The following PEX5 variants were observed in gnomAD, a reference collection of about 807,000 sequenced individuals.
PEX5 encodes the protein PTS1 receptor.
Under a neutral mutation model 82.9 loss-of-function variants are expected in PEX5, and 52 were observed. The ratio of observed to expected loss-of-function variants is 0.63; its 90% CI spans 0.50 to 0.79. The LOEUF is 0.79. Among genes scored for constraint, PEX5 ranks in the 30% least tolerant of loss-of-function variants. The pLI is 0.00. For missense variants in PEX5, 719 were observed against 815.2 expected, an observed-to-expected ratio of 0.88 and a Z score of 1.44; for synonymous variants, 300 against 318.8, an observed-to-expected ratio of 0.94 and a Z score of 0.63.
intron 7 of PEX5, 88 bp from the exon 8 acceptor site, chr12:7,202,153 G>A (rs555016638): frequency 1.4e-5 from 23 of 1,601,338 alleles, no homozygotes; most frequent in Non-Finnish European, 1.9e-5. Context: ...TCAGGGGAGG[G>A]GTGAGTACAG....
chr12:7,206,802 T>G (rs4883096), intron 10 of PEX5, among the ~76,000 whole-genome samples: 111,695 of 151,996 alleles, frequency 0.73, 41,802 homozygotes, highest in South Asian at 0.83. Context: ...CCTCCACCTG[T>G]TGTTTTGCAT....
intron 5 of PEX5, among the ~76,000 whole-genome samples, chr12:7,197,579 A>G (rs1174105338): frequency 7.1e-6 from 1 of 140,146 alleles, no homozygotes; most frequent in Non-Finnish European, 1.5e-5. Flanking sequence ...GTAATTACTT[A>G]TTATTTATAA....
chr12:7,207,681 A>G lies in PEX5; in HGVS notation c.989A>G (p.Asn330Ser). ...YDKGYQFEEE[N>S]PLRDHPQPFE... ...TAGGGGTACCAGTTTGAGGAGGAGA[A>G]CCCCTTGCGTGATCACCCTCAGCCT... Residue 330 changes from asparagine to serine, a missense_variant, in exon 11 of 16, where the codon AAC becomes AGC. Coordinates refer to ENST00000675855, the MANE Select transcript of PEX5 (RefSeq NM_001351132.2). 2 of 1,613,902 alleles carry G rather than the reference A, an allele frequency of 1.2e-6. No individual in the cohort carries two copies. Among genetic ancestry groups the G allele is most frequent in the Non-Finnish European group, 1.7e-6 (2 of 1,179,996 alleles).
In PEX5 at chr12:7,208,002, C is replaced by T. The variant is rs776506057; in HGVS notation, c.1111-8C>T. 3 of 1,611,784 alleles carry T rather than the reference C, an allele frequency of 1.9e-6. No homozygotes were observed. Among genetic ancestry groups the T allele is most frequent in the Admixed American group, 3.3e-5 (2 of 60,008 alleles). ...ATGGGGTGATGGAATCTGTCAACTT[C>T]CCTCTAGGCTTGGCAGTATCTGGGT... is the stretch of plus-strand genomic sequence containing the variant. On this transcript the variant is annotated splice_region_variant and splice_polypyrimidine_tract_variant and intron_variant, in intron 11 of 15. Transcript: ENST00000675855.
chr12:7,189,520 C>T (rs1484652579), upstream of PEX5: 1 of 170,178 alleles, frequency 5.9e-6, no homozygotes, highest in Admixed American at 6.4e-5. Context: ...TCTCCAAGAC[C>T]CGCTCTCTAA....
At position 7,208,453 on chromosome 12, in the gene PEX5, A is replaced by G; in HGVS notation, c.1182-4A>G. The G allele has an allele frequency of 6.2e-7, 1 of 1,611,556 alleles. No individual in the cohort carries two copies. The highest frequency in any genetic ancestry group is 1.1e-5 in the South Asian group (1 of 91,006). On this transcript the variant is annotated splice_region_variant and splice_polypyrimidine_tract_variant and intron_variant, in intron 12 of 15. Transcript: ENST00000675855. ...ATCAAGTCTGCCCATCCCTGATCAA[A>G]CAGGTGTCTGGAGCTAAAGCCAGAT...
downstream of PEX5, among the ~76,000 whole-genome samples, chr12:7,214,680 A>G (rs981988001): frequency 1.3e-5 from 2 of 151,322 alleles, no homozygotes; most frequent in African/African-American, 4.9e-5. Flanking sequence ...ACTAACCTGC[A>G]CATTGTGCAC....
intron 17 of PEX5, chr12:7,218,325 T>C (rs1368865798): frequency 6.6e-6 from 1 of 152,224 alleles, no homozygotes; most frequent in Non-Finnish European, 1.5e-5. Context: ...ACGGGCAAAC[T>C]ATTCTAGGTC....
At chr12:7,204,833 T>C in intron 10 of PEX5, among the ~76,000 whole-genome samples, 1 of 152,248 alleles carries the variant, frequency 6.6e-6, no homozygotes, top group East Asian at 1.9e-4. Context: ...TTTTTTTTTT[T>C]CAGACACATA....
intron 15 of PEX5, 24 bp downstream of exon 15, chr12:7,209,864 A>G (rs1296666236): frequency 7.4e-6 from 12 of 1,613,696 alleles, no homozygotes; most frequent in African/African-American, 1.3e-5. Flanking sequence ...TTGAGAAATG[A>G]ATGAATGAGC....
At position 7,190,819 on chromosome 12, in the gene PEX5, C is replaced by T. The variant is rs1419687449; in HGVS notation, c.148-69C>T. On this transcript the variant is annotated intron_variant, in intron 2 of 15. Transcript: ENST00000675855. ...GATGAAGAAGCCGAGGCTCAGATGC[C>T]TATGGGCTTCATCAACCCCTGATTT... 12 of 1,450,688 alleles carry T rather than the reference C, an allele frequency of 8.3e-6. No individual in the cohort carries two copies. In the Admixed American group the frequency reaches 1.8e-4, roughly 22 times the overall value. 89.9% of individuals were successfully genotyped at this position (1,450,688 alleles called of 1,614,324 possible).
Position 7,211,357 on chromosome 12 carries a change from T to C in PEX5, c.*1134T>C, listed in dbSNP as rs769928491. 1 of 152,090 alleles carries C rather than the reference T, an allele frequency of 6.6e-6. No individual in the cohort carries two copies. The highest frequency in any genetic ancestry group is 1.5e-5 in the Non-Finnish European group (1 of 67,994). 9.4% of individuals were successfully genotyped at this position (152,090 alleles called of 1,614,324 possible). A position where few individuals can be genotyped will look rare whatever the true frequency, so the allele number is the denominator to read the frequency against. On this transcript the variant is annotated 3_prime_UTR_variant, in exon 16 of 16. Coordinates refer to ENST00000675855, the MANE Select transcript of PEX5 (RefSeq NM_001351132.2). ...CTAATGATCAGAGAGATTTTTTTTT[T>C]AAACTACCATGGTCCCAGGATTCCA...
chr12:7,200,251 G>T (rs1943607773), intron 6 of PEX5, among the ~76,000 whole-genome samples: 1 of 151,494 alleles, frequency 6.6e-6, no homozygotes, highest in South Asian at 2.1e-4. Flanking sequence ...CATCCCAGAC[G>T]GGGCGGCGGG....
At chr12:7,190,666 G>A (rs1206519379) in intron 2 of PEX5, 142 bp downstream of exon 2, 4 of 1,531,550 alleles carry the variant, frequency 2.6e-6, no homozygotes, top group South Asian at 2.3e-5. Flanking sequence ...GAGGTGGAGG[G>A]GCTGTTTGCA....
intron 6 of PEX5, 54 bp downstream of exon 6, chr12:7,199,167 C>T (rs1943263938): frequency 1.1e-6 from 1 of 948,492 alleles, no homozygotes. Context: ...GACAGTTTTC[C>T]CAGCCTCCTC....
At chr12:7,193,460 C>T (rs1195822164) in intron 5 of PEX5, among the ~76,000 whole-genome samples, 1 of 152,096 alleles carries the variant, frequency 6.6e-6, no homozygotes, top group Non-Finnish European at 1.5e-5. Context: ...TCTTGAACTC[C>T]TGACCTTAAG....
Position 7,191,714 on chromosome 12 carries a change from T to C in PEX5, c.448+14T>C. ...CTGAAGTTACAGGTGAAACTTGTTA[T>C]GGGAAAATCTATATTGGCTTCTATG... is the stretch of plus-strand genomic sequence containing the variant. On this transcript the variant is annotated intron_variant, in intron 5 of 15. Coordinates refer to ENST00000675855, the MANE Select transcript of PEX5 (RefSeq NM_001351132.2). 1 of 1,611,570 alleles carries C rather than the reference T, an allele frequency of 6.2e-7. No homozygotes were observed. The highest frequency in any genetic ancestry group is 8.5e-7 in the Non-Finnish European group (1 of 1,177,756).
At chr12:7,209,948 T>A (rs1945338593) in intron 15 of PEX5, 74 bp from the exon 16 acceptor site, 1 of 1,593,706 alleles carries the variant, frequency 6.3e-7, no homozygotes, top group Non-Finnish European at 8.6e-7. Context: ...GCTTTCTCCC[T>A]CCCACTGCTA....
chr12:7,199,778 C>T (rs1168962381), intron 6 of PEX5, among the ~76,000 whole-genome samples: 1 of 150,838 alleles, frequency 6.6e-6, no homozygotes, highest in Non-Finnish European at 1.5e-5. Context: ...CCAGTAGGGG[C>T]GGCCGGGCAG....
Sources: allele counts gnomAD v4.1 joint callset (sites outside exome capture counted in the v4.1 genomes callset), GRCh38; gene constraint gnomAD v4.1.1; transcripts MANE v1.5; gene names NCBI Gene and HGNC (gene_info 2026-07-23, HGNC 2026-07-21).